Variants in GMDS observed in about 807,000 individuals in gnomAD.
GMDS encodes the protein GDP-mannose 4,6 dehydratase.
GMDS carries 20 observed loss-of-function variants against 49.9 expected under a neutral mutation model. The observed-to-expected ratio is 0.40, with a 90% CI of 0.28 to 0.58. The LOEUF is 0.58. Among genes scored for constraint, GMDS ranks in the 20% least tolerant of loss-of-function variants. The pLI is 0.42. For synonymous variants in GMDS, 177 were observed against 178.6 expected, an observed-to-expected ratio of 0.99 and a Z score of 0.07; for missense variants, 362 against 481.4, an observed-to-expected ratio of 0.75 and a Z score of 2.32.
At chr6:1,884,813 C>T (rs1043201794) in intron 7 of GMDS, among the ~76,000 whole-genome samples, 105 of 152,270 alleles carry the variant, frequency 6.9e-4, no homozygotes, top group African/African-American at 2.5e-3. Context: ...GCTACGGTGC[C>T]CTGAGCTGCG....
At chr6:1,750,931 C>G (rs184848709) in intron 7 of GMDS, among the ~76,000 whole-genome samples, 1 of 152,144 alleles carries the variant, frequency 6.6e-6, no homozygotes, top group Non-Finnish European at 1.5e-5. Flanking sequence ...TGGTTTTCCC[C>G]TCACAGTGTA....
At chr6:2,161,899 T>C (rs1403168145) in intron 1 of GMDS, among the ~76,000 whole-genome samples, 4 of 152,236 alleles carry the variant, frequency 2.6e-5, no homozygotes, top group African/African-American at 9.6e-5. Flanking sequence ...AAGTCACTAA[T>C]GACAGGAGTC....
intron 7 of GMDS, among the ~76,000 whole-genome samples, chr6:1,846,517 C>G (rs1384050144): frequency 6.6e-6 from 1 of 152,158 alleles, no homozygotes; most frequent in Admixed American, 6.5e-5. Context: ...ATAAGTTTCT[C>G]TCCATTGATA....
chr6:1,891,524 T>C (rs1759866196), intron 7 of GMDS, among the ~76,000 whole-genome samples: 1 of 152,238 alleles, frequency 6.6e-6, no homozygotes, highest in South Asian at 2.1e-4. Context: ...CCAAGTTATT[T>C]AAAAGAAACT....
chr6:1,749,742 A>C (rs1370325980), intron 7 of GMDS, among the ~76,000 whole-genome samples: 1 of 152,110 alleles, frequency 6.6e-6, no homozygotes, highest in Non-Finnish European at 1.5e-5. Flanking sequence ...TTAGGACTGA[A>C]ATTATTTTGT....
intron 3 of GMDS, among the ~76,000 whole-genome samples, 195 bp from the exon 4 acceptor site, chr6:2,116,075 C>T (rs968073376): frequency 1.4e-4 from 21 of 152,066 alleles, no homozygotes; most frequent in Non-Finnish European, 2.6e-4. Flanking sequence ...CTACATAATG[C>T]CTATGTCTGT....
At chr6:2,186,029 G>A (rs544384571) in intron 1 of GMDS, among the ~76,000 whole-genome samples, 2 of 152,270 alleles carry the variant, frequency 1.3e-5, no homozygotes, top group East Asian at 3.9e-4. Flanking sequence ...TAAATACAAT[G>A]TTCTTACCAA....
intron 7 of GMDS, among the ~76,000 whole-genome samples, chr6:1,835,628 A>T (rs1343679856): frequency 2.6e-5 from 4 of 152,252 alleles, no homozygotes; most frequent in Non-Finnish European, 5.9e-5. Flanking sequence ...TCTCTTTTGT[A>T]TTTCTAATTC....
intron 1 of GMDS, among the ~76,000 whole-genome samples, chr6:2,230,905 T>A (rs1429369851): frequency 7.0e-6 from 1 of 143,082 alleles, no homozygotes; most frequent in African/African-American, 2.6e-5. Flanking sequence ...CTTGAGAAAT[T>A]CACTTAATGC....
chr6:1,681,558 G>T (rs936051207), intron 9 of GMDS, among the ~76,000 whole-genome samples: 1 of 152,178 alleles, frequency 6.6e-6, no homozygotes. Flanking sequence ...AACAGTCTAC[G>T]ACTGCCAGGG....
chr6:1,918,943 C>T (rs557860960), intron 7 of GMDS, among the ~76,000 whole-genome samples: 166 of 152,320 alleles, frequency 1.1e-3, no homozygotes, highest in Middle Eastern at 3.4e-3. Context: ...TCTAGCACAA[C>T]TCAACCTAAG....
At chr6:1,652,422 A>AT (rs1763691770) in intron 9 of GMDS, among the ~76,000 whole-genome samples, 1 of 25,608 alleles carries the variant, frequency 3.9e-5, no homozygotes, top group African/African-American at 1.6e-4. Context: ...TATATAATAT[A>AT]TATATAATAT....
chr6:1,872,580 C>T (rs1758827198), intron 7 of GMDS, among the ~76,000 whole-genome samples: 1 of 152,238 alleles, frequency 6.6e-6, no homozygotes, highest in Admixed American at 6.5e-5. Flanking sequence ...CAATATATCA[C>T]TGAAACAGCC....
intron 1 of GMDS, among the ~76,000 whole-genome samples, chr6:2,238,187 G>A (rs1362323425): frequency 2.7e-5 from 4 of 146,768 alleles, no homozygotes; most frequent in African/African-American, 1.0e-4. Flanking sequence ...AGGAGTTCAA[G>A]ACTAGCCTGG....
chr6:2,191,708 G>T lies in GMDS; in HGVS notation c.102+53613C>A, dbSNP rs1426224225. On this transcript the variant is annotated intron_variant, in intron 1 of 10. Coordinates refer to ENST00000380815, the MANE Select transcript of GMDS (RefSeq NM_001500.4). The surrounding 1 kb of genome is among the most constrained non-coding windows in gnomAD (Gnocchi z 4.6). ...CCAGACTCTGTGTGCTGACAAGCAT[G>T]GGATGTGGAACCTAGGGGGACACTG... Among the ~76,000 whole-genome samples, 4 of 152,230 alleles carry T rather than the reference G, an allele frequency of 2.6e-5. No individual in the cohort carries two copies. Among genetic ancestry groups the T allele is most frequent in the Non-Finnish European group, 5.9e-5 (4 of 68,034 alleles).
intron 4 of GMDS, among the ~76,000 whole-genome samples, chr6:1,992,641 C>T (rs1424102956): frequency 7.5e-6 from 1 of 133,908 alleles, no homozygotes; most frequent in African/African-American, 3.0e-5. Context: ...GCCCACACTG[C>T]CTCCGCCCTA....
intron 9 of GMDS, among the ~76,000 whole-genome samples, chr6:1,724,844 A>G (rs1343900450): frequency 6.6e-6 from 1 of 152,202 alleles, no homozygotes; most frequent in South Asian, 2.1e-4. Flanking sequence ...AGCACCGGGA[A>G]CAATGGTTCA....
At chr6:1,744,641 G>A (rs1174400760) in intron 7 of GMDS, among the ~76,000 whole-genome samples, 9 of 152,196 alleles carry the variant, frequency 5.9e-5, no homozygotes, top group Admixed American at 5.2e-4. Flanking sequence ...GCTCGGCACC[G>A]TTTGTCAAGA....
intron 1 of GMDS, among the ~76,000 whole-genome samples, chr6:2,234,829 C>T (rs144631773): frequency 2.2e-4 from 34 of 152,224 alleles, no homozygotes; most frequent in Non-Finnish European, 3.8e-4. Flanking sequence ...AAGAAGTTTA[C>T]GGTCACTCAG....
Sources: gnomAD v4.1 joint callset for allele counts (sites outside exome capture counted in the v4.1 genomes callset) on GRCh38, gnomAD v4.1.1 for gene constraint, Gnocchi (gnomAD v3.1) non-coding constraint, MANE v1.5 for transcripts, NCBI Gene and HGNC (gene_info 2026-07-23, HGNC 2026-07-21) for gene names.